Variants in DIAPH2 observed in about 807,000 individuals in gnomAD.
DIAPH2 encodes protein diaphanous homolog 2.
A neutral mutation model predicts 92.7 loss-of-function variants in DIAPH2; 35 were observed. The ratio of observed to expected loss-of-function variants is 0.38; its 90% CI spans 0.29 to 0.50. The LOEUF (loss-of-function observed/expected upper bound fraction) is 0.50. Ranked by LOEUF, DIAPH2 falls within the 20% of genes least tolerant of loss-of-function variation. The probability of loss-of-function intolerance (pLI) is 0.94; values close to 1 mark genes in which losing one functional copy is unlikely to be tolerated. For synonymous variants in DIAPH2, 301 were observed against 280.4 expected (o/e 1.07, Z -0.73); for missense variants, 701 against 819.5 (o/e 0.86, Z 1.77).
chrX:97,381,914 T>C (rs2069553287), intron 24 of DIAPH2, among the ~76,000 whole-genome samples: 1 of 111,848 alleles, frequency 8.9e-6, no homozygotes, highest in Admixed American at 9.5e-5. Context: ...GCCGTTTTTT[T>C]TCCCTCCATC....
intron 5 of DIAPH2, among the ~76,000 whole-genome samples, chrX:96,891,750 G>A (rs760113013): frequency 2.2e-3 from 244 of 111,699 alleles, no homozygotes; most frequent in Non-Finnish European, 4.0e-3. Context: ...CAGCTTTAGG[G>A]GTATTTTACC....
chrX:97,179,264 A>C (rs1219765607), intron 22 of DIAPH2, among the ~76,000 whole-genome samples: 1 of 103,108 alleles, frequency 9.7e-6, no homozygotes, highest in East Asian at 3.0e-4. Flanking sequence ...AATTACTTTA[A>C]GTTCCGGGAT....
chrX:97,163,974 T>C (rs1238619999), intron 22 of DIAPH2, among the ~76,000 whole-genome samples: 2 of 112,378 alleles, frequency 1.8e-5, no homozygotes, highest in African/African-American at 6.5e-5. Context: ...GGAATAACAA[T>C]GTAAATTTAC....
At chrX:97,060,477 A>T (rs187965267) in intron 17 of DIAPH2, among the ~76,000 whole-genome samples, 48 of 110,202 alleles carry the variant, frequency 4.4e-4, no homozygotes, top group Non-Finnish European at 5.5e-4. Flanking sequence ...TTTATTTTGT[A>T]TGGTAATAGC....
chrX:97,427,465 CA>C (rs1281088738), intron 25 of DIAPH2, among the ~76,000 whole-genome samples: 1 of 111,334 alleles, frequency 9.0e-6, no homozygotes, highest in African/African-American at 3.3e-5. Context: ...AGTTGAAATA[CA>C]TATAGTTCTT....
intron 1 of DIAPH2, among the ~76,000 whole-genome samples, chrX:96,719,548 T>C (rs2063976690): frequency 8.9e-6 from 1 of 112,180 alleles, no homozygotes; most frequent in South Asian, 3.7e-4. Context: ...AACTGTCCTT[T>C]ACCCGATGTA....
chrX:96,957,228 C>G (rs777783020), intron 15 of DIAPH2, among the ~76,000 whole-genome samples: 2 of 112,258 alleles, frequency 1.8e-5, no homozygotes, highest in Admixed American at 1.9e-4. Flanking sequence ...GCCATGTTGG[C>G]CAGGCTGGTC....
intron 26 of DIAPH2, among the ~76,000 whole-genome samples, chrX:97,466,225 C>T (rs1388419513): frequency 8.9e-6 from 1 of 111,835 alleles, no homozygotes; most frequent in Admixed American, 9.5e-5. Context: ...GTAAAGATAT[C>T]CCAAAGAAGG....
intron 23 of DIAPH2, among the ~76,000 whole-genome samples, chrX:97,282,455 A>G (rs34232435): frequency 0.42 from 45,850 of 109,375 alleles, 8,377 homozygotes; most frequent in Non-Finnish European, 0.57. Context: ...GATTACAGGC[A>G]CCTGCCACCA....
At chrX:97,257,099 TGTA>T (rs1235774612) in intron 23 of DIAPH2, among the ~76,000 whole-genome samples, 2 of 111,394 alleles carry the variant, frequency 1.8e-5, no homozygotes, top group African/African-American at 6.5e-5. Flanking sequence ...AGGATAATAA[TGTA>T]GTACATTGTC....
intron 26 of DIAPH2, among the ~76,000 whole-genome samples, chrX:97,535,923 A>T (rs987797497): frequency 2.7e-5 from 3 of 112,562 alleles, no homozygotes; most frequent in African/African-American, 9.7e-5. Flanking sequence ...GTCCCAGTAC[A>T]TGGTAACATT....
intron 23 of DIAPH2, among the ~76,000 whole-genome samples, chrX:97,276,147 C>T (rs1245232501): frequency 9.1e-6 from 1 of 110,385 alleles, no homozygotes; most frequent in East Asian, 2.9e-4. Context: ...CGTGGCGGCG[C>T]GTGCCTGCAG....
chrX:96,703,697 A>T (rs1384870559), intron 1 of DIAPH2, among the ~76,000 whole-genome samples: 8 of 111,967 alleles, frequency 7.1e-5, no homozygotes, highest in Non-Finnish European at 1.5e-4. Flanking sequence ...GATTTATGAC[A>T]TACAAAACTA....
At chrX:97,524,592 C>G (rs1602647835) in intron 26 of DIAPH2, among the ~76,000 whole-genome samples, 1 of 112,207 alleles carries the variant, frequency 8.9e-6, no homozygotes, top group Non-Finnish European at 1.9e-5. Context: ...TACTGTAACT[C>G]TACTAGAACA....
chrX:96,900,284 G>A (rs1256294518), intron 5 of DIAPH2, among the ~76,000 whole-genome samples: 2 of 111,168 alleles, frequency 1.8e-5, no homozygotes, highest in Admixed American at 1.9e-4. Flanking sequence ...TCATTTGACT[G>A]TCTGCTTGGT....
At chrX:97,558,526 G>A (rs2071272307) in intron 26 of DIAPH2, among the ~76,000 whole-genome samples, 1 of 111,365 alleles carries the variant, frequency 9.0e-6, no homozygotes, top group African/African-American at 3.3e-5. Flanking sequence ...CAGCCAGTAA[G>A]GGGTCTCATA....
At chrX:97,298,676 G>A (rs986111149) in intron 23 of DIAPH2, among the ~76,000 whole-genome samples, 13 of 102,263 alleles carry the variant, frequency 1.3e-4, no homozygotes, top group Non-Finnish European at 2.4e-4. Context: ...GTGTAGTGGC[G>A]CGATCTTGGC....
At chrX:97,154,862 A>C (rs2067310815) in intron 22 of DIAPH2, among the ~76,000 whole-genome samples, 1 of 112,504 alleles carries the variant, frequency 8.9e-6, no homozygotes. Flanking sequence ...AAACACACTG[A>C]ATAGATATTC....
intron 4 of DIAPH2, among the ~76,000 whole-genome samples, chrX:96,822,237 C>G (rs1316238108): frequency 5.4e-5 from 6 of 111,687 alleles, no homozygotes; most frequent in African/African-American, 2.0e-4. Flanking sequence ...ATCAATTTCT[C>G]TCAATAAAAA....
Sources: gnomAD v4.1 joint callset for allele counts (sites outside exome capture counted in the v4.1 genomes callset) on GRCh38, gnomAD v4.1.1 for gene constraint, MANE v1.5 for transcripts, NCBI Gene and HGNC (gene_info 2026-07-23, HGNC 2026-07-21) for gene names.